Variants in ASIC2 observed in about 807,000 individuals in gnomAD.
ASIC2 encodes the protein acid sensing ion channel subunit 2, also known as acid-sensing ion channel 2.
In ASIC2, 25 loss-of-function variants were observed where a neutral mutation model predicts 57.3. The observed-to-expected ratio is 0.44, with a 90% CI of 0.32 to 0.61. The LOEUF (loss-of-function observed/expected upper bound fraction) is 0.61, where lower values mean the gene tolerates loss of function less well. Ranked by LOEUF, ASIC2 falls within the 20% of genes least tolerant of loss-of-function variation. The probability of loss-of-function intolerance (pLI) is 0.06; values close to 1 mark genes in which losing one functional copy is unlikely to be tolerated. For missense variants in ASIC2, 641 were observed against 738.1 expected (o/e 0.87, Z 1.52); for synonymous variants, 319 against 307.5 (o/e 1.04, Z -0.39).
At chr17:33,424,312 T>C (rs1310602842) in intron 1 of ASIC2, among the ~76,000 whole-genome samples, 1 of 152,144 alleles carries the variant, frequency 6.6e-6, no homozygotes, top group African/African-American at 2.4e-5. Context: ...TGTCCAGCTG[T>C]CAGAAAAGCT....
At chr17:33,584,871 C>A (rs554389678) in intron 1 of ASIC2, among the ~76,000 whole-genome samples, 1 of 151,932 alleles carries the variant, frequency 6.6e-6, no homozygotes, top group African/African-American at 2.4e-5. Context: ...AGAGAGACAC[C>A]GATGGCCTAA....
At chr17:33,346,741 G>T (rs1177506936) in intron 1 of ASIC2, among the ~76,000 whole-genome samples, 2 of 152,178 alleles carry the variant, frequency 1.3e-5, no homozygotes, top group African/African-American at 2.4e-5. Flanking sequence ...TAAGGGAAAT[G>T]AACATAGATA....
chr17:33,823,684 A>G (rs1406024513), intron 1 of ASIC2, among the ~76,000 whole-genome samples: 1 of 152,226 alleles, frequency 6.6e-6, no homozygotes, highest in Non-Finnish European at 1.5e-5. Context: ...ACTGGACTAC[A>G]GACCTGGACC....
chr17:33,837,417 A>C (rs1913306011), intron 1 of ASIC2, among the ~76,000 whole-genome samples: 1 of 152,258 alleles, frequency 6.6e-6, no homozygotes, highest in East Asian at 1.9e-4. Context: ...ATAGATACCC[A>C]GATAGACCTT....
chr17:33,951,560 CTTTTTTCT>C (rs1904567000), intron 1 of ASIC2, among the ~76,000 whole-genome samples: 1 of 151,080 alleles, frequency 6.6e-6, no homozygotes, highest in Admixed American at 6.6e-5. Context: ...ATTCTTCCCT[CTTTTTTCT>C]TTTCTTTTTT....
intron 1 of ASIC2, chr17:34,120,316 C>T (rs1324443797): frequency 6.6e-6 from 1 of 152,656 alleles, no homozygotes; most frequent in Non-Finnish European, 1.5e-5. Context: ...CCTCAGCCAT[C>T]CCACCTCTGC....
chr17:33,877,739 A>C (rs1914589105), intron 1 of ASIC2, among the ~76,000 whole-genome samples: 1 of 152,344 alleles, frequency 6.6e-6, no homozygotes, highest in South Asian at 2.1e-4. Context: ...ATGTCCCTGT[A>C]TGACAGCTTT....
intron 1 of ASIC2, among the ~76,000 whole-genome samples, chr17:33,640,535 G>A (rs570531333): frequency 5.3e-5 from 8 of 152,326 alleles, no homozygotes; most frequent in African/African-American, 1.9e-4. Flanking sequence ...AGGACATACA[G>A]AGTCCAGAAG....
intron 1 of ASIC2, among the ~76,000 whole-genome samples, chr17:33,961,666 T>C (rs1461108166): frequency 6.6e-6 from 1 of 152,182 alleles, no homozygotes; most frequent in Non-Finnish European, 1.5e-5. Context: ...CAGGTGATGA[T>C]TGCTCAGACC....
At chr17:34,052,980 C>T (rs1163537173) in intron 1 of ASIC2, among the ~76,000 whole-genome samples, 1 of 151,932 alleles carries the variant, frequency 6.6e-6, no homozygotes, top group Non-Finnish European at 1.5e-5. Context: ...CTCCTTTCCT[C>T]TGACTATTCC....
intron 1 of ASIC2, among the ~76,000 whole-genome samples, chr17:33,559,686 C>T (rs911732007): frequency 6.6e-6 from 1 of 152,150 alleles, no homozygotes; most frequent in Non-Finnish European, 1.5e-5. Context: ...GTGATATTTC[C>T]ATCTGATCAT....
intron 1 of ASIC2, among the ~76,000 whole-genome samples, chr17:33,459,672 G>A (rs1478302374): frequency 6.6e-6 from 1 of 152,210 alleles, no homozygotes. Flanking sequence ...CTGTCGGGGT[G>A]GGAACACCCC....
chr17:33,510,805 A>G (rs1914408047), intron 1 of ASIC2, among the ~76,000 whole-genome samples: 1 of 152,108 alleles, frequency 6.6e-6, no homozygotes, highest in Non-Finnish European at 1.5e-5. Flanking sequence ...ACCAGCTTGT[A>G]GAAGCATCTG....
At position 34,156,504 on chromosome 17, in the gene ASIC2, C is replaced by T. The variant is rs2142148591; in HGVS notation, c.29G>A (p.Gly10Asp). The change falls in exon 1 of 10, where the codon GGC (glycine) becomes GAC (aspartate). Residue 10 changes from glycine to aspartate, a missense_variant. Gly to Asp is a moderately conservative substitution (Grantham distance 94). Transcript: ENST00000359872. This position sits in a 1 kb window ranked among gnomAD's most constrained non-coding sequence, Gnocchi z 4.4. Reference sequence around the variant, plus strand: ...CTGGATGCTAGAAGGTTGCAGGCTGCCCTCACTGGGGCTTTCCTTGAGGTC... The same window carrying T: ...CTGGATGCTAGAAGGTTGCAGGCTGTCCTCACTGGGGCTTTCCTTGAGGTC... 1 of 1,605,404 alleles carries T rather than the reference C, an allele frequency of 6.2e-7. No homozygotes were observed. Among genetic ancestry groups the T allele is most frequent in the Non-Finnish European group, 8.5e-7 (1 of 1,173,924 alleles).
At chr17:33,741,404 T>G (rs1215959525) in intron 1 of ASIC2, among the ~76,000 whole-genome samples, 1 of 152,226 alleles carries the variant, frequency 6.6e-6, no homozygotes, top group East Asian at 1.9e-4. Context: ...TCTAACTGGA[T>G]GAAAGAGGCA....
At chr17:33,631,385 A>C (rs1906164723) in intron 1 of ASIC2, among the ~76,000 whole-genome samples, 1 of 150,828 alleles carries the variant, frequency 6.6e-6, no homozygotes, top group Non-Finnish European at 1.5e-5. Context: ...AGCTATACTA[A>C]GGAGAAACAG....
intron 1 of ASIC2, among the ~76,000 whole-genome samples, chr17:33,868,564 G>A (rs182184519): frequency 3.3e-5 from 5 of 152,214 alleles, no homozygotes; most frequent in Non-Finnish European, 7.4e-5. Flanking sequence ...CTTAGATATG[G>A]CACTACAAGT....
intron 1 of ASIC2, among the ~76,000 whole-genome samples, chr17:33,152,234 C>T (rs534242115): frequency 3.3e-5 from 5 of 152,264 alleles, no homozygotes; most frequent in South Asian, 2.1e-4. Flanking sequence ...AAGCGCTACT[C>T]GATCATACTA....
At chr17:33,301,651 G>T (rs550473786) in intron 1 of ASIC2, among the ~76,000 whole-genome samples, 1 of 152,090 alleles carries the variant, frequency 6.6e-6, no homozygotes, top group East Asian at 1.9e-4. Flanking sequence ...GGGGACATGA[G>T]AAAGAAAATA....
Sources: gnomAD v4.1 joint callset for allele counts (sites outside exome capture counted in the v4.1 genomes callset) on GRCh38, gnomAD v4.1.1 for gene constraint, Gnocchi (gnomAD v3.1) non-coding constraint, MANE v1.5 for transcripts, NCBI Gene and HGNC (gene_info 2026-07-23, HGNC 2026-07-21) for gene names.